The following DLC1 variants were observed in gnomAD, a reference collection of about 807,000 sequenced individuals.
DLC1 encodes DLC1 Rho GTPase activating protein.
DLC1 carries 54 observed loss-of-function variants against 140.3 expected under a neutral mutation model. The observed-to-expected ratio is 0.38, with a 90% CI of 0.31 to 0.48. The LOEUF (loss-of-function observed/expected upper bound fraction) is 0.48. Among genes scored for constraint, DLC1 ranks in the 20% least tolerant of loss-of-function variants. The probability of loss-of-function intolerance (pLI) is 0.96; values close to 1 mark genes in which losing one functional copy is unlikely to be tolerated. For synonymous variants in DLC1, 986 were observed against 728.1 expected, an observed-to-expected ratio of 1.35 and a Z score of -5.70; for missense variants, 2,536 against 1,907.0, an observed-to-expected ratio of 1.33 and a Z score of -6.14.
intron 2 of DLC1, among the ~76,000 whole-genome samples, chr8:13,478,418 A>G (rs985583246): frequency 1.3e-5 from 2 of 152,214 alleles, no homozygotes; most frequent in African/African-American, 2.4e-5. Context: ...ACAATTCGAC[A>G]TGAGATTTGG....
chr8:13,381,059 C>T (rs1223475897), intron 4 of DLC1, among the ~76,000 whole-genome samples: 1 of 152,122 alleles, frequency 6.6e-6, no homozygotes, highest in Non-Finnish European at 1.5e-5. Context: ...GACATGAGTC[C>T]CTGTAGTGTG....
intron 12 of DLC1, among the ~76,000 whole-genome samples, chr8:13,093,948 G>C (rs190883445): frequency 1.6e-3 from 238 of 152,320 alleles, no homozygotes; most frequent in Non-Finnish European, 4.9e-4. Context: ...AAAGTAAGAA[G>C]GGCATGGGTA....
intron 4 of DLC1, among the ~76,000 whole-genome samples, chr8:13,391,511 C>CA (rs1048270332): frequency 1.2e-3 from 182 of 150,146 alleles, no homozygotes; most frequent in African/African-American, 3.8e-3. Flanking sequence ...GATGGCAAAA[C>CA]AAAAAAAAAT....
chr8:13,131,834 C>A (rs1822120056), intron 5 of DLC1, among the ~76,000 whole-genome samples: 1 of 152,222 alleles, frequency 6.6e-6, no homozygotes, highest in Admixed American at 6.5e-5. Context: ...CAGGATGAGA[C>A]CCCACCAGCC....
At chr8:13,591,275 G>A (rs994123380) in intron 1 of DLC1, among the ~76,000 whole-genome samples, 1 of 152,084 alleles carries the variant, frequency 6.6e-6, no homozygotes, top group Non-Finnish European at 1.5e-5. Flanking sequence ...ACCTCATCTT[G>A]AATTGTAATC....
At chr8:13,265,413 G>T (rs1027781710) in intron 5 of DLC1, among the ~76,000 whole-genome samples, 3 of 152,164 alleles carry the variant, frequency 2.0e-5, no homozygotes, top group Non-Finnish European at 4.4e-5. Flanking sequence ...AGAGATTAAT[G>T]AGCATGGAAG....
chr8:13,495,259 C>T (rs1007822591), intron 2 of DLC1, among the ~76,000 whole-genome samples: 1 of 152,166 alleles, frequency 6.6e-6, no homozygotes, highest in Non-Finnish European at 1.5e-5. Context: ...TAGTAACCCA[C>T]TTCTTTAAGA....
At chr8:13,302,523 C>G (rs909081537) in intron 5 of DLC1, among the ~76,000 whole-genome samples, 1 of 152,078 alleles carries the variant, frequency 6.6e-6, no homozygotes, top group Non-Finnish European at 1.5e-5. Context: ...TAGCTACTTA[C>G]AGCACACACA....
intron 5 of DLC1, among the ~76,000 whole-genome samples, chr8:13,198,328 T>G (rs1312805877): frequency 6.6e-6 from 1 of 152,158 alleles, no homozygotes; most frequent in African/African-American, 2.4e-5. Flanking sequence ...TTGTTTTGAA[T>G]TGGTACCATT....
At chr8:13,378,374 G>T (rs927011777) in intron 4 of DLC1, among the ~76,000 whole-genome samples, 10 of 151,538 alleles carry the variant, frequency 6.6e-5, no homozygotes, top group African/African-American at 2.4e-4. Flanking sequence ...TTCTCTGTAG[G>T]ATTCAAATAT....
intron 5 of DLC1, among the ~76,000 whole-genome samples, chr8:13,149,737 G>C (rs182400995): frequency 6.6e-6 from 1 of 152,214 alleles, no homozygotes; most frequent in African/African-American, 2.4e-5. Flanking sequence ...AAGAACATCT[G>C]TACCTAAGAA....
At chr8:13,106,943 C>T (rs1384526208) in intron 7 of DLC1, among the ~76,000 whole-genome samples, 2 of 152,226 alleles carry the variant, frequency 1.3e-5, no homozygotes, top group African/African-American at 4.8e-5. Context: ...TAGTGAATCA[C>T]AGTTCACAAT....
At chr8:13,172,732 G>A (rs77716081) in intron 5 of DLC1, among the ~76,000 whole-genome samples, 8 of 152,056 alleles carry the variant, frequency 5.3e-5, no homozygotes, top group Non-Finnish European at 4.4e-5. Context: ...ATGGAAGTTC[G>A]ATTCCTCAGT....
chr8:13,415,832 T>C (rs990883014), intron 2 of DLC1, among the ~76,000 whole-genome samples: 1 of 152,200 alleles, frequency 6.6e-6, no homozygotes, highest in East Asian at 1.9e-4. Context: ...TATGGAACTA[T>C]TGAATGTATA....
At chr8:13,232,613 G>A (rs1040811057) in intron 5 of DLC1, among the ~76,000 whole-genome samples, 1 of 152,186 alleles carries the variant, frequency 6.6e-6, no homozygotes, top group Non-Finnish European at 1.5e-5. Context: ...TTACAGGCAT[G>A]AGCCACGGTG....
At chr8:13,556,226 G>A (rs1373923692) in intron 1 of DLC1, among the ~76,000 whole-genome samples, 1 of 152,066 alleles carries the variant, frequency 6.6e-6, no homozygotes, top group African/African-American at 2.4e-5. Flanking sequence ...CATAGATCTG[G>A]GACAGAGCTA....
At chr8:13,316,687 A>G (rs964294000) in intron 4 of DLC1, among the ~76,000 whole-genome samples, 1 of 152,044 alleles carries the variant, frequency 6.6e-6, no homozygotes, top group Non-Finnish European at 1.5e-5. Flanking sequence ...ACCTAAGGTC[A>G]TTGGTTTTCT....
At chr8:13,165,202 A>G (rs562152107) in intron 5 of DLC1, among the ~76,000 whole-genome samples, 1 of 152,204 alleles carries the variant, frequency 6.6e-6, no homozygotes, top group Non-Finnish European at 1.5e-5. Context: ...CTGAAATTCA[A>G]ATTTCACTGG....
At chr8:13,567,033 T>C (rs767032573) in intron 1 of DLC1, 18 of 1,551,096 alleles carry the variant, frequency 1.2e-5, no homozygotes, top group Non-Finnish European at 1.5e-5. Flanking sequence ...ACAAAAGTGC[T>C]CTTGCAAACC....
Sources: allele counts gnomAD v4.1 joint callset (sites outside exome capture counted in the v4.1 genomes callset), GRCh38; gene constraint gnomAD v4.1.1; transcripts MANE v1.5; gene names NCBI Gene and HGNC (gene_info 2026-07-23, HGNC 2026-07-21).